The following GTF2I variants were observed in gnomAD, a reference collection of about 807,000 sequenced individuals.
GTF2I encodes the protein general transcription factor II-I.
In GTF2I, 12 loss-of-function variants were observed where a neutral mutation model predicts 67.6. The observed-to-expected ratio is 0.18, with a 90% CI of 0.11 to 0.29. The LOEUF is 0.29. Ranked by LOEUF, GTF2I falls within the 10% of genes least tolerant of loss-of-function variation. The pLI, the probability that GTF2I is intolerant of heterozygous loss-of-function variation, is 1.00. For synonymous variants in GTF2I, 149 were observed against 197.0 expected (o/e 0.76, Z 2.04); for missense variants, 271 against 580.1 (o/e 0.47, Z 5.47).
chr7:74,727,575 T>A (rs587645990), intron 12 of GTF2I: 2 of 152,320 alleles, frequency 1.3e-5, no homozygotes, highest in African/African-American at 4.8e-5. Flanking sequence ...TGTCTTGTAC[T>A]TGAGTGATCT....
At chr7:74,677,633 T>G (rs1806012145) in intron 1 of GTF2I, among the ~76,000 whole-genome samples, 1 of 150,854 alleles carries the variant, frequency 6.6e-6, no homozygotes. Context: ...AAAAAGAAAA[T>G]TAGCCGGGCG....
chr7:74,705,664 C>T (rs782280157), intron 7 of GTF2I, among the ~76,000 whole-genome samples: 2 of 151,520 alleles, frequency 1.3e-5, no homozygotes, highest in Non-Finnish European at 1.5e-5. Flanking sequence ...TGGGTTCAAG[C>T]GATTCTCCTG....
At chr7:74,677,574 A>G (rs1411118383) in intron 1 of GTF2I, among the ~76,000 whole-genome samples, 1 of 151,840 alleles carries the variant, frequency 6.6e-6, no homozygotes, top group Non-Finnish European at 1.5e-5. Flanking sequence ...TGAGGTCAGG[A>G]GTTCCAAGAC....
chr7:74,684,876 C>G (rs1416004789), intron 1 of GTF2I: 1 of 152,176 alleles, frequency 6.6e-6, no homozygotes, highest in Non-Finnish European at 1.5e-5. Context: ...GAAGAAGCAC[C>G]AAAAGCCGAG....
At chr7:74,704,859 A>T (rs1368341884) in intron 6 of GTF2I, among the ~76,000 whole-genome samples, 7 of 10,300 alleles carry the variant, frequency 6.8e-4, no homozygotes, top group Non-Finnish European at 9.0e-4. Flanking sequence ...TGTTTCTAAA[A>T]AAAAAAAAAA....
Position 74,674,698 on chromosome 7 carries a change from T to C in GTF2I, c.-5-14426T>C, listed in dbSNP as rs1387106564. ...GGATTACAGGCATGAGCCACCACGCTCAACTAATTTTGCATTTTTTTTTTT... is the reference window on the plus strand; with the variant it reads ...GGATTACAGGCATGAGCCACCACGCCCAACTAATTTTGCATTTTTTTTTTT... On this transcript the variant is annotated intron_variant, in intron 1 of 34. Transcript: ENST00000573035. 9.3e-4 allele frequency among the ~76,000 whole-genome samples: 137 copies of C among 146,952 alleles called. 2 individuals are homozygous for C. The highest frequency in any genetic ancestry group is 8.5e-4 in the Non-Finnish European group (57 of 66,806).
intron 26 of GTF2I, among the ~76,000 whole-genome samples, chr7:74,750,273 A>C (rs1200460965): frequency 1.8e-5 from 2 of 108,916 alleles, no homozygotes; most frequent in African/African-American, 2.6e-5. Context: ...CTCTACTTAA[A>C]ATACAAAAAA....
chr7:74,681,760 A>G (rs1787294083), intron 1 of GTF2I, among the ~76,000 whole-genome samples: 1 of 152,118 alleles, frequency 6.6e-6, no homozygotes, highest in African/African-American at 2.4e-5. Flanking sequence ...AAAAATACAA[A>G]AATTAGTCAG....
intron 1 of GTF2I, among the ~76,000 whole-genome samples, chr7:74,679,226 C>G (rs1562943742): frequency 6.6e-6 from 1 of 151,512 alleles, no homozygotes; most frequent in Non-Finnish European, 1.5e-5. Flanking sequence ...TTACAGGCGC[C>G]CACCACACCC....
chr7:74,717,897 G>A (rs782736152), intron 11 of GTF2I, among the ~76,000 whole-genome samples: 4 of 152,152 alleles, frequency 2.6e-5, no homozygotes, highest in Admixed American at 6.5e-5. Flanking sequence ...ATTGTAAACC[G>A]TTGGTTACAT....
intron 9 of GTF2I, 97 bp from the exon 10 acceptor site, chr7:74,714,760 C>T: frequency 1.6e-6 from 1 of 622,516 alleles, no homozygotes. Flanking sequence ...TATAAAAAGG[C>T]CATTCCATGT....
chr7:74,658,178 G>C (rs1401147368), intron 1 of GTF2I, 110 bp downstream of exon 1: 2 of 150,996 alleles, frequency 1.3e-5, no homozygotes, highest in African/African-American at 4.8e-5. Flanking sequence ...AGGGACAGGG[G>C]CCTGGGAGCC....
At chr7:74,714,783 T>C (rs372439690) in intron 9 of GTF2I, 74 bp from the exon 10 acceptor site, 3 of 925,012 alleles carry the variant, frequency 3.2e-6, no homozygotes, top group Admixed American at 2.3e-5. Flanking sequence ...CTCACCCAAA[T>C]TTGTTGACTA....
At chr7:74,665,345 G>A (rs1554388144) in intron 1 of GTF2I, among the ~76,000 whole-genome samples, 1 of 151,832 alleles carries the variant, frequency 6.6e-6, no homozygotes. Flanking sequence ...CCTGCCTCTC[G>A]GGTTCGAGTG....
chr7:74,700,777 C>A, intron 6 of GTF2I, 143 bp downstream of exon 6: 1 of 843,620 alleles, frequency 1.2e-6, no homozygotes, highest in Non-Finnish European at 2.0e-6. Flanking sequence ...TTTATATAAT[C>A]CACAAAAGGT....
At chr7:74,672,374 C>T (rs1263988776) in intron 1 of GTF2I, among the ~76,000 whole-genome samples, 2 of 151,992 alleles carry the variant, frequency 1.3e-5, no homozygotes, top group Admixed American at 6.6e-5. Flanking sequence ...AACCCCGTCT[C>T]TACTAAAATT....
intron 26 of GTF2I, among the ~76,000 whole-genome samples, chr7:74,750,376 C>T (rs1329120845): frequency 5.1e-5 from 5 of 97,960 alleles, no homozygotes; most frequent in African/African-American, 5.8e-5. Flanking sequence ...ACCCAGGAGG[C>T]GGAGGAGATC....
At chr7:74,669,563 T>C (rs1176077439) in intron 1 of GTF2I, among the ~76,000 whole-genome samples, 5 of 150,982 alleles carry the variant, frequency 3.3e-5, no homozygotes, top group Non-Finnish European at 7.4e-5. Flanking sequence ...TGAGACAGTG[T>C]CTCCCTCTGT....
chr7:74,660,655 C>G (rs1804402810), intron 1 of GTF2I, among the ~76,000 whole-genome samples: 1 of 128,172 alleles, frequency 7.8e-6, no homozygotes, highest in Non-Finnish European at 1.6e-5. Context: ...GAGTTTCGCT[C>G]TCGTTGCCCA....
Sources: allele counts gnomAD v4.1 joint callset (sites outside exome capture counted in the v4.1 genomes callset), GRCh38; gene constraint gnomAD v4.1.1; transcripts MANE v1.5; gene names NCBI Gene and HGNC (gene_info 2026-07-23, HGNC 2026-07-21).